CNGA1: variants seen among roughly 807,000 people sequenced by gnomAD.
CNGA1 encodes cyclic nucleotide-gated channel alpha-1.
Under a neutral mutation model 69.7 loss-of-function variants are expected in CNGA1, and 53 were observed. The observed-to-expected ratio is 0.76, with a 90% CI of 0.61 to 0.96. CNGA1 has a LOEUF of 0.96. Ranked by LOEUF, CNGA1 falls within the 40% of genes least tolerant of loss-of-function variation. CNGA1 has a pLI of 0.00. For synonymous variants in CNGA1, 249 were observed against 283.5 expected, an observed-to-expected ratio of 0.88 and a Z score of 1.22; for missense variants, 739 against 811.2, an observed-to-expected ratio of 0.91 and a Z score of 1.08.
chr4:47,980,226 T>C (rs376151154), intron 3 of CNGA1, among the ~76,000 whole-genome samples: 62 of 152,262 alleles, frequency 4.1e-4, no homozygotes, highest in African/African-American at 1.3e-3. Flanking sequence ...ATGAGTGTAA[T>C]TGAACAAACT....
intron 3 of CNGA1, among the ~76,000 whole-genome samples, chr4:47,979,643 A>G (rs1416880531): frequency 1.3e-5 from 2 of 152,200 alleles, no homozygotes; most frequent in Non-Finnish European, 2.9e-5. Context: ...TAAGTAAAAA[A>G]TATTTAGGAT....
At chr4:47,948,486 G>A (rs1370537625) in intron 6 of CNGA1, among the ~76,000 whole-genome samples, 2 of 152,156 alleles carry the variant, frequency 1.3e-5, no homozygotes, top group Non-Finnish European at 2.9e-5. Flanking sequence ...TCCCATTCTT[G>A]CAACTTAAGG....
intron 6 of CNGA1, among the ~76,000 whole-genome samples, chr4:47,947,681 GAAAAA>G (rs556323992): frequency 6.7e-6 from 1 of 148,458 alleles, no homozygotes; most frequent in Non-Finnish European, 1.5e-5. Context: ...AAAAAGAAAA[GAAAAA>G]AAAAGGGAAA....
At chr4:48,011,379 ACACACATG>A (rs1194036516) in intron 1 of CNGA1, among the ~76,000 whole-genome samples, 10 of 148,162 alleles carry the variant, frequency 6.7e-5, no homozygotes, top group South Asian at 2.2e-4. Flanking sequence ...TCTTTTAAAT[ACACACATG>A]CACACATGCA....
intron 3 of CNGA1, among the ~76,000 whole-genome samples, chr4:47,967,945 T>C (rs779420594): frequency 1.3e-5 from 2 of 151,930 alleles, no homozygotes; most frequent in African/African-American, 4.8e-5. Context: ...GCCACTGCAC[T>C]CCAGCCTGGG....
chr4:47,948,226 C>T (rs1739524004), intron 6 of CNGA1, among the ~76,000 whole-genome samples: 1 of 151,480 alleles, frequency 6.6e-6, no homozygotes, highest in Non-Finnish European at 1.5e-5. Flanking sequence ...AGTTTGGGAT[C>T]CAGTGGTCCT....
intron 3 of CNGA1, among the ~76,000 whole-genome samples, chr4:47,968,756 G>C (rs1459163403): frequency 2.6e-5 from 4 of 152,110 alleles, no homozygotes; most frequent in Non-Finnish European, 5.9e-5. Context: ...AGAAAATAAG[G>C]GGCCTGGGTA....
chr4:47,995,363 T>G (rs1465215112), intron 2 of CNGA1, among the ~76,000 whole-genome samples: 1 of 152,174 alleles, frequency 6.6e-6, no homozygotes, highest in East Asian at 1.9e-4. Context: ...CTTTTTTGTC[T>G]TTGTTGGATT....
At chr4:47,947,795 G>A (rs894127815) in intron 6 of CNGA1, among the ~76,000 whole-genome samples, 2 of 152,204 alleles carry the variant, frequency 1.3e-5, no homozygotes, top group Non-Finnish European at 2.9e-5. Flanking sequence ...GGAAAACGAT[G>A]GAAAGATCAG....
intron 2 of CNGA1, among the ~76,000 whole-genome samples, chr4:47,994,996 A>AAGAT (rs1168899307): frequency 6.6e-6 from 1 of 152,138 alleles, no homozygotes; most frequent in African/African-American, 2.4e-5. Flanking sequence ...GAGGAGGCTG[A>AAGAT]AGATAGATAG....
intron 2 of CNGA1, among the ~76,000 whole-genome samples, chr4:47,997,212 A>T (rs188025082): frequency 2.6e-5 from 4 of 152,320 alleles, no homozygotes; most frequent in African/African-American, 7.2e-5. Context: ...GCTTTCTCAG[A>T]CATGACAAAT....
intron 6 of CNGA1, among the ~76,000 whole-genome samples, chr4:47,945,024 G>A (rs1739308305): frequency 6.6e-6 from 1 of 151,950 alleles, no homozygotes; most frequent in Admixed American, 6.6e-5. Flanking sequence ...AAATGAATCA[G>A]GAATGAATAA....
intron 1 of CNGA1, among the ~76,000 whole-genome samples, chr4:48,011,921 G>A (rs982468035): frequency 1.3e-5 from 2 of 152,110 alleles, no homozygotes; most frequent in African/African-American, 4.8e-5. Flanking sequence ...GACAATAGAT[G>A]AAAATGTTTC....
chr4:47,936,476 T>G lies in CNGA1; in HGVS notation c.2006A>C (p.Glu669Ala). ...TCCAGGTCCCTCAATACTTGAAAAT[T>G]CTGTGTCAATAAGCGGTTTCAGAAA... is the stretch of plus-strand genomic sequence containing the variant. Reference protein sequence around the residue: ...EKFLKPLIDTEFSSIEGPGAE... With the variant: ...EKFLKPLIDTAFSSIEGPGAE... Residue 669 changes from glutamate (E) to alanine (A), a missense_variant, in exon 11 of 11, where the codon GAA (glutamate) becomes GCA (alanine). Glu to Ala is a moderately radical substitution (Grantham distance 107). Transcript: ENST00000514170. The G allele has an allele frequency of 6.2e-7, 1 of 1,614,218 alleles. No individual in the cohort carries two copies. Among genetic ancestry groups the G allele is most frequent in the Non-Finnish European group, 8.5e-7 (1 of 1,180,030 alleles).
intron 1 of CNGA1, among the ~76,000 whole-genome samples, chr4:48,012,662 T>C (rs1207577691): frequency 1.8e-5 from 2 of 114,056 alleles, no homozygotes; most frequent in African/African-American, 2.7e-5. Context: ...TCAAGTTGGA[T>C]AGAGTTGATC....
intron 2 of CNGA1, among the ~76,000 whole-genome samples, chr4:48,010,240 G>A (rs1715094090): frequency 6.6e-6 from 1 of 152,214 alleles, no homozygotes; most frequent in Admixed American, 6.5e-5. Flanking sequence ...TCATAGGATT[G>A]TATAAGGAGA....
At chr4:47,943,135 A>G (rs748419423) in intron 8 of CNGA1, 46 bp downstream of exon 8, 2 of 1,331,012 alleles carry the variant, frequency 1.5e-6, no homozygotes, top group Non-Finnish European at 2.2e-6. Context: ...TGCATCTAAA[A>G]CCCATCACAA....
chr4:47,946,680 G>A (rs370865929), intron 6 of CNGA1, among the ~76,000 whole-genome samples: 70 of 152,356 alleles, frequency 4.6e-4, no homozygotes, highest in African/African-American at 1.3e-3. Context: ...GTATCAATCC[G>A]TCATATGATG....
In CNGA1 at chr4:47,937,704, C is replaced by A; in HGVS notation, c.778G>T (p.Gly260Trp). 1 of 1,614,054 alleles carries A rather than the reference C, an allele frequency of 6.2e-7. No individual in the cohort carries two copies. The highest frequency in any genetic ancestry group is 8.5e-7 in the Non-Finnish European group (1 of 1,179,998). Residue 260 changes from glycine to tryptophan, a missense_variant, in exon 11 of 11, where the codon GGG becomes TGG. Coordinates refer to ENST00000514170, the MANE Select transcript of CNGA1 (RefSeq NM_001379270.1). ...AATCTAATTTCTGGATAGTTCCACC[C>A]TAACTTAAAATACAGCAAATCAGTT... is the stretch of plus-strand genomic sequence containing the variant. ...IPTDLLYFKL[G>W]WNYPEIRLNR...
Sources: allele counts gnomAD v4.1 joint callset (sites outside exome capture counted in the v4.1 genomes callset), GRCh38; gene constraint gnomAD v4.1.1; transcripts MANE v1.5; gene names NCBI Gene and HGNC (gene_info 2026-07-23, HGNC 2026-07-21).